The following IARS1 variants were observed in gnomAD, a reference collection of about 807,000 sequenced individuals.
The protein encoded by IARS1 is isoleucine--tRNA ligase, cytoplasmic.
IARS1 carries 124 observed loss-of-function variants against 168.2 expected under a neutral mutation model. That is an observed-to-expected ratio of 0.74 (90% confidence interval 0.64 to 0.86). The LOEUF (loss-of-function observed/expected upper bound fraction) is 0.86, where lower values mean the gene tolerates loss of function less well. Ranked by LOEUF, IARS1 falls within the 40% of genes least tolerant of loss-of-function variation. The pLI is 0.00. For synonymous variants in IARS1, 532 were observed against 529.4 expected (o/e 1.00, Z -0.07); for missense variants, 1,452 against 1,515.8 (o/e 0.96, Z 0.70).
chr9:92,215,053 C>T (rs1838413833), intron 33 of IARS1, among the ~76,000 whole-genome samples: 1 of 152,178 alleles, frequency 6.6e-6, no homozygotes, highest in African/African-American at 2.4e-5. Flanking sequence ...CAGTGGTTCT[C>T]CCAGCATGCA....
At position 92,288,185 on chromosome 9, in the gene IARS1, G is replaced by A; in HGVS notation, c.217C>T (p.His73Tyr). 6.2e-7 allele frequency: 1 copy of A among 1,614,024 alleles called. No individual in the cohort carries two copies. ...CTGTCAACATGAAACCCACTCTGGTGAGCATATCTTGTAACTATATCTTTA... is the reference window on the plus strand; with the variant it reads ...CTGTCAACATGAAACCCACTCTGGTAAGCATATCTTGTAACTATATCTTTA... Reference protein sequence around the residue: ...TIKDIVTRYAHQSGFHVDRRF... With the variant: ...TIKDIVTRYAYQSGFHVDRRF... The change falls in exon 3 of 34, where the codon CAC (histidine) becomes TAC (tyrosine). Residue 73 changes from histidine to tyrosine, a missense_variant. By Grantham distance (83) the His-to-Tyr change is moderately conservative (BLOSUM62 2). Coordinates refer to ENST00000443024, the MANE Select transcript of IARS1 (RefSeq NM_002161.6).
chr9:92,232,545 G>A (rs1453646443), intron 30 of IARS1, among the ~76,000 whole-genome samples: 1 of 152,188 alleles, frequency 6.6e-6, no homozygotes, highest in Admixed American at 6.5e-5. Flanking sequence ...CACAGTAAGA[G>A]GAAGAATTTA....
At position 92,289,365 on chromosome 9, in the gene IARS1, A is replaced by T; in HGVS notation, c.55T>A (p.Leu19Met). ...INFPAEEEKI[L>M]EFWTEFNCFQ... is the part of the protein sequence containing the mutation. ...CAATTAAATTCAGTCCAAAACTCCAAGATTTTCTCTTCTTCAGCAGGAAAA... is the reference window on the plus strand; with the variant it reads ...CAATTAAATTCAGTCCAAAACTCCATGATTTTCTCTTCTTCAGCAGGAAAA... The change falls in exon 2 of 34, where the codon TTG becomes ATG. Residue 19 changes from leucine to methionine, a missense_variant. Physicochemically the swap from Leu to Met is conservative, Grantham distance 15. Transcript: ENST00000443024. The T allele has an allele frequency of 6.3e-7, 1 of 1,598,612 alleles. No individual in the cohort carries two copies.
intron 6 of IARS1, among the ~76,000 whole-genome samples, chr9:92,283,855 G>A (rs904310602): frequency 5.3e-5 from 8 of 152,140 alleles, no homozygotes; most frequent in Non-Finnish European, 1.0e-4. Context: ...TGATGTTCAG[G>A]AATTACATAA....
At chr9:92,259,703 C>A (rs530140524) in intron 18 of IARS1, among the ~76,000 whole-genome samples, 22 of 152,274 alleles carry the variant, frequency 1.4e-4, no homozygotes, top group Admixed American at 1.4e-3. Flanking sequence ...TTACAGCTAC[C>A]TCAAGCAGTG....
At chr9:92,288,447 A>C (rs1835801487) in intron 2 of IARS1, among the ~76,000 whole-genome samples, 165 bp from the exon 3 acceptor site, 1 of 152,234 alleles carries the variant, frequency 6.6e-6, no homozygotes, top group East Asian at 1.9e-4. Context: ...TCCTGCCTTC[A>C]GAAAGGCTAC....
At chr9:92,255,960 C>CT (rs1275866646) in intron 20 of IARS1, among the ~76,000 whole-genome samples, 1 of 151,974 alleles carries the variant, frequency 6.6e-6, no homozygotes, top group East Asian at 1.9e-4. Context: ...CTATTACACA[C>CT]TGTATGCCTA....
rs911229752 is a variant in IARS1, at chr9:92,253,291, C to G, written c.2229+71G>C. 10 of 925,326 alleles carry G rather than the reference C, an allele frequency of 1.1e-5. No homozygotes were observed. The African/African-American group carries it at 1.5e-4, about 14-fold the overall frequency. The allele number at this position is 925,326 out of a possible 1,614,324, so 57.3% of individuals were successfully genotyped here. A position where few individuals can be genotyped will look rare whatever the true frequency, so the allele number is the denominator to read the frequency against. ...CTGAAAATGTTCCTCTCCCTTCTGG[C>G]TATTCTCATATTTCTTCTACTTTCA... On this transcript the variant is annotated intron_variant, in intron 21 of 33. Coordinates refer to ENST00000443024, the MANE Select transcript of IARS1 (RefSeq NM_002161.6).
rs768561823 is a variant in IARS1, at chr9:92,223,373, G to C, written c.3526C>G (p.Leu1176Val). 6.2e-7 allele frequency: 1 copy of C among 1,613,580 alleles called. No individual in the cohort carries two copies. The highest frequency in any genetic ancestry group is 8.5e-7 in the Non-Finnish European group (1 of 1,179,642). The change falls in exon 32 of 34, where the codon CTA (leucine) becomes GTA (valine). Residue 1176 changes from leucine (L) to valine (V), a missense_variant. Physicochemically the swap from Leu to Val is conservative, Grantham distance 32. Transcript: ENST00000443024. Reference protein sequence around the residue: ...SSTLLCQYINLQLLNAKPQEC... With the variant: ...SSTLLCQYINVQLLNAKPQEC... Reference sequence around the variant, plus strand: ...TGTGGCTTTGCATTCAGGAGCTGTAGGTTGATATACTGACAAAGAAGAGTA... The same window carrying C: ...TGTGGCTTTGCATTCAGGAGCTGTACGTTGATATACTGACAAAGAAGAGTA...
chr9:92,259,746 G>GT (rs568786072), intron 18 of IARS1, among the ~76,000 whole-genome samples: 77 of 152,238 alleles, frequency 5.1e-4, no homozygotes, highest in Middle Eastern at 3.4e-3. Context: ...TTCAATATGA[G>GT]TTTTTTTATC....
rs1372684366 is a variant in IARS1, at chr9:92,282,116, AG to A, written c.598-1224del. On this transcript the variant is annotated intron_variant, in intron 6 of 33. Transcript: ENST00000443024. ...ATGTTACTGATTTTAGGAAATATAT[AG>A]TTTTTAGAGGAAAAGGGCCATAATT... Among the ~76,000 whole-genome samples, 218 of 152,280 alleles carry A rather than the reference AG, an allele frequency of 1.4e-3. 6 individuals are homozygous for A. In the South Asian group the frequency reaches 0.044, roughly 31 times the overall value.
At chr9:92,216,647 A>C (rs1159293121) in intron 33 of IARS1, among the ~76,000 whole-genome samples, 1 of 133,362 alleles carries the variant, frequency 7.5e-6, no homozygotes, top group African/African-American at 2.8e-5. Context: ...AACAGACTTT[A>C]AACCAACAAA....
chr9:92,262,398 T>A (rs1031591513), intron 17 of IARS1, among the ~76,000 whole-genome samples: 4 of 152,232 alleles, frequency 2.6e-5, no homozygotes, highest in Admixed American at 6.5e-5. Context: ...TATTTCATTT[T>A]AAAATTTTCA....
chr9:92,258,810 G>A lies in IARS1; in HGVS notation c.2016+44C>T, dbSNP rs200391456. 38 of 1,544,698 alleles carry A rather than the reference G, an allele frequency of 2.5e-5. No individual in the cohort carries two copies. The Admixed American group carries it at 3.7e-4, about 15-fold the overall frequency. ...CTCACAGCTTGGTGAAGGGAGCGCTGTGGAGACACGGCAGGTACATGTGCA... is the reference window on the plus strand; with the variant it reads ...CTCACAGCTTGGTGAAGGGAGCGCTATGGAGACACGGCAGGTACATGTGCA... On this transcript the variant is annotated intron_variant, in intron 19 of 33. Transcript: ENST00000443024.
At chr9:92,288,005 T>C in intron 3 of IARS1, 95 bp from the exon 4 acceptor site, 2 of 1,546,540 alleles carry the variant, frequency 1.3e-6, no homozygotes, top group Non-Finnish European at 1.8e-6. Context: ...ACTACAAATA[T>C]TATAGAAATG....
At chr9:92,281,972 C>G (rs182120917) in intron 6 of IARS1, among the ~76,000 whole-genome samples, 1 of 151,942 alleles carries the variant, frequency 6.6e-6, no homozygotes, top group Admixed American at 6.6e-5. Context: ...GTTTTTCTTT[C>G]CTTCTTTTTT....
Position 92,276,227 on chromosome 9 carries a change from G to T in IARS1, c.894+1636C>A, listed in dbSNP as rs78544707. 4.8e-3 allele frequency among the ~76,000 whole-genome samples: 735 copies of T among 152,324 alleles called. 6 individuals are homozygous for T. The highest frequency in any genetic ancestry group is 0.015 in the African/African-American group (640 of 41,570). ...ACATCTGAGTTCAGACCTGAAGGGT[G>T]AGTTAACTCAGCAGATATCAACATA... On this transcript the variant is annotated intron_variant, in intron 9 of 33. Transcript: ENST00000443024.
intron 19 of IARS1, among the ~76,000 whole-genome samples, chr9:92,258,409 CATG>C (rs1274972017): frequency 1.3e-5 from 2 of 152,154 alleles, no homozygotes; most frequent in African/African-American, 4.8e-5. Context: ...GCCTGACCAA[CATG>C]ATGAAACCAA....
intron 10 of IARS1, among the ~76,000 whole-genome samples, chr9:92,273,436 G>A (rs1200527386): frequency 6.6e-6 from 1 of 152,142 alleles, no homozygotes; most frequent in Non-Finnish European, 1.5e-5. Flanking sequence ...ATGAGGATGA[G>A]GATTTGCTTT....
Sources: gnomAD v4.1 joint callset for allele counts (sites outside exome capture counted in the v4.1 genomes callset) on GRCh38, gnomAD v4.1.1 for gene constraint, MANE v1.5 for transcripts, NCBI Gene and HGNC (gene_info 2026-07-23, HGNC 2026-07-21) for gene names.